The following MEMO1 variants were observed in gnomAD, a reference collection of about 807,000 sequenced individuals.
The protein encoded by MEMO1 is protein MEMO1.
A neutral mutation model predicts 45.2 loss-of-function variants in MEMO1; 6 were observed. That is an observed-to-expected ratio of 0.13 (90% CI 0.07 to 0.26). The LOEUF (loss-of-function observed/expected upper bound fraction) is 0.26. MEMO1 is among the 10% of genes least tolerant of loss of function. The pLI is 1.00. For synonymous variants in MEMO1, 78 were observed against 124.3 expected, an observed-to-expected ratio of 0.63 and a Z score of 2.48; for missense variants, 184 against 370.5, an observed-to-expected ratio of 0.50 and a Z score of 4.13.
rs184353856 is a variant in MEMO1, at chr2:31,962,529, T to C, written c.62-19146A>G. ...ACTTTATCAGAAACAAACATCAATA[T>C]GACACTGACAGAGTAAACACCAAAA... On this transcript the variant is annotated intron_variant, in intron 2 of 9. Coordinates refer to ENST00000404530, the MANE Select transcript of MEMO1 (RefSeq NM_001301833.4). Among the ~76,000 whole-genome samples, 162 of 152,244 alleles carry C rather than the reference T, an allele frequency of 1.1e-3. 1 individual carries two copies. Among genetic ancestry groups the C allele is most frequent in the African/African-American group, 3.9e-3 (160 of 41,550 alleles).
chr2:31,994,499 G>A (rs1672329475), intron 2 of MEMO1, among the ~76,000 whole-genome samples: 1 of 151,642 alleles, frequency 6.6e-6, no homozygotes, highest in African/African-American at 2.4e-5. Context: ...GCGTGGTGGT[G>A]CGTGTCTGCA....
chr2:31,936,761 A>G (rs1664966452), intron 3 of MEMO1, among the ~76,000 whole-genome samples: 1 of 152,230 alleles, frequency 6.6e-6, no homozygotes, highest in South Asian at 2.1e-4. Context: ...CCAAGAGTCT[A>G]CCACACATTC....
intron 2 of MEMO1, 146 bp downstream of exon 2, chr2:32,010,041 C>T: frequency 4.7e-6 from 1 of 211,076 alleles, no homozygotes; most frequent in Non-Finnish European, 8.0e-6. Flanking sequence ...CGGCTCGCTC[C>T]CTCCCCACGC....
At chr2:31,899,651 A>T (rs577520272) in intron 6 of MEMO1, among the ~76,000 whole-genome samples, 11 of 152,366 alleles carry the variant, frequency 7.2e-5, no homozygotes, top group African/African-American at 2.6e-4. Context: ...AAAACACCAA[A>T]AGCAATAGCA....
At chr2:31,968,884 ATACTT>A (rs1159042428) in intron 2 of MEMO1, among the ~76,000 whole-genome samples, 1 of 152,118 alleles carries the variant, frequency 6.6e-6, no homozygotes, top group Admixed American at 6.6e-5. Context: ...AAACTAGAAA[ATACTT>A]TAAAAGTCCT....
intron 2 of MEMO1, among the ~76,000 whole-genome samples, chr2:31,963,515 C>G (rs1320349386): frequency 6.6e-6 from 1 of 152,180 alleles, no homozygotes; most frequent in Non-Finnish European, 1.5e-5. Flanking sequence ...AGAAAAAGGT[C>G]AAGCATTATT....
intron 2 of MEMO1, among the ~76,000 whole-genome samples, chr2:31,975,304 A>C (rs990202593): frequency 2.0e-5 from 3 of 152,250 alleles, no homozygotes; most frequent in Non-Finnish European, 4.4e-5. Context: ...ATGATACCTA[A>C]ATTATGCATT....
Position 31,889,423 on chromosome 2 carries a change from A to G in MEMO1, c.580+2569T>C, listed in dbSNP as rs146267918. 4.6e-5 allele frequency among the ~76,000 whole-genome samples: 7 copies of G among 152,220 alleles called. No individual in the cohort carries two copies. In the East Asian group the frequency reaches 1.3e-3, roughly 29 times the overall value. ...AAATCAAGCTGTATAGTATCTCTTT[A>G]AAAAGAAAGAAAAACCATTAAGTAT... On this transcript the variant is annotated intron_variant, in intron 7 of 9. Transcript: ENST00000404530.
chr2:31,934,902 G>A (rs543129299), intron 3 of MEMO1, among the ~76,000 whole-genome samples: 60 of 152,204 alleles, frequency 3.9e-4, no homozygotes, highest in African/African-American at 1.2e-3. Flanking sequence ...TATCAGTGCT[G>A]GTGGGCAAAG....
At chr2:31,942,867 A>G (rs1406495789) in intron 3 of MEMO1, among the ~76,000 whole-genome samples, 9 of 152,236 alleles carry the variant, frequency 5.9e-5, no homozygotes, top group African/African-American at 2.2e-4. Flanking sequence ...AAAACCCACA[A>G]GAATTGTGAA....
At chr2:31,995,956 C>A (rs750665024) in intron 2 of MEMO1, among the ~76,000 whole-genome samples, 12 of 152,006 alleles carry the variant, frequency 7.9e-5, no homozygotes, top group Admixed American at 6.6e-4. Context: ...AGCCAAAATA[C>A]AATACAAAAT....
intron 2 of MEMO1, among the ~76,000 whole-genome samples, chr2:31,975,129 G>GC: frequency 6.6e-6 from 1 of 152,124 alleles, no homozygotes; most frequent in Non-Finnish European, 1.5e-5. Context: ...CCAAGATCGT[G>GC]CCACTGCACT....
intron 2 of MEMO1, among the ~76,000 whole-genome samples, chr2:31,944,216 A>G (rs749981912): frequency 1.3e-4 from 20 of 152,374 alleles, no homozygotes; most frequent in Non-Finnish European, 2.4e-4. Context: ...AAATTTCAGC[A>G]GACCCCTAAA....
chr2:31,996,674 A>G (rs1672657797), intron 2 of MEMO1, among the ~76,000 whole-genome samples: 1 of 152,216 alleles, frequency 6.6e-6, no homozygotes, highest in Admixed American at 6.5e-5. Flanking sequence ...TTCCAATACA[A>G]TAATCCAACT....
chr2:31,962,392 AAAG>A (rs1239400095), intron 2 of MEMO1, among the ~76,000 whole-genome samples: 1 of 152,172 alleles, frequency 6.6e-6, no homozygotes, highest in Non-Finnish European at 1.5e-5. Context: ...CTCTGCCAAA[AAAG>A]AAGAAAAGAA....
chr2:31,933,342 A>ATAT (rs1558514156), intron 3 of MEMO1, among the ~76,000 whole-genome samples: 23 of 47,310 alleles, frequency 4.9e-4, no homozygotes, highest in African/African-American at 2.1e-3. Context: ...AAAAAAAAAA[A>ATAT]AAAAAAATTT....
intron 6 of MEMO1, among the ~76,000 whole-genome samples, chr2:31,901,796 T>C (rs1204923655): frequency 6.6e-6 from 1 of 150,654 alleles, no homozygotes; most frequent in Non-Finnish European, 1.5e-5. Flanking sequence ...GTAATCCCAG[T>C]TACTCAGGAG....
chr2:31,996,484 T>C lies in MEMO1; in HGVS notation c.61+13703A>G, dbSNP rs538024528. 2.0e-5 allele frequency among the ~76,000 whole-genome samples: 3 copies of C among 151,720 alleles called. No homozygotes were observed. The South Asian group carries it at 6.2e-4, about 32-fold the overall frequency. On this transcript the variant is annotated intron_variant, in intron 2 of 9. Transcript: ENST00000404530. ...ACTTGAACCTGGCAGGCGGAGGTTG[T>C]AGTGAGCTGAGATCGTGCCACTGCA...
At chr2:31,980,710 C>T (rs565744853) in intron 2 of MEMO1, among the ~76,000 whole-genome samples, 9 of 152,238 alleles carry the variant, frequency 5.9e-5, no homozygotes, top group South Asian at 2.1e-4. Context: ...CCACTGAGAA[C>T]GTCACGGCGT....
Sources: allele counts gnomAD v4.1 joint callset (sites outside exome capture counted in the v4.1 genomes callset), GRCh38; gene constraint gnomAD v4.1.1; transcripts MANE v1.5; gene names NCBI Gene and HGNC (gene_info 2026-07-23, HGNC 2026-07-21).